IGF2BP3: variants seen among roughly 807,000 people sequenced by gnomAD.
IGF2BP3 encodes insulin-like growth factor 2 mRNA-binding protein 3.
IGF2BP3 carries 9 observed loss-of-function variants against 73.8 expected under a neutral mutation model. The ratio of observed to expected loss-of-function variants is 0.12; its 90% CI spans 0.07 to 0.21. The LOEUF is 0.21. IGF2BP3 is among the 10% of genes least tolerant of loss of function. IGF2BP3 has a pLI of 1.00. For missense variants in IGF2BP3, 542 were observed against 714.0 expected, an observed-to-expected ratio of 0.76 and a Z score of 2.75; for synonymous variants, 258 against 256.7, an observed-to-expected ratio of 1.01 and a Z score of -0.05.
At chr7:23,431,842 TTC>T (rs377418639) in intron 2 of IGF2BP3, among the ~76,000 whole-genome samples, 11 of 148,928 alleles carry the variant, frequency 7.4e-5, no homozygotes, top group South Asian at 2.2e-4. Flanking sequence ...CACACACACA[TTC>T]TCTCTCTCTC....
At chr7:23,444,553 C>T (rs960507181) in intron 2 of IGF2BP3, among the ~76,000 whole-genome samples, 9 of 151,790 alleles carry the variant, frequency 5.9e-5, no homozygotes, top group Admixed American at 2.6e-4. Flanking sequence ...CCATCCTGGC[C>T]ATCATGGTGA....
intron 1 of IGF2BP3, 109 bp from the exon 2 acceptor site, chr7:23,468,651 G>A (rs919613165): frequency 1.8e-6 from 2 of 1,089,222 alleles, no homozygotes; most frequent in African/African-American, 3.1e-5. Flanking sequence ...GGCCCTCGAA[G>A]GGCCCCCGAG....
intron 3 of IGF2BP3, among the ~76,000 whole-genome samples, chr7:23,406,978 T>C (rs1562732940): frequency 6.6e-6 from 1 of 152,064 alleles, no homozygotes; most frequent in South Asian, 2.1e-4. Flanking sequence ...GAGAAGCTCA[T>C]TCAGCTTCAA....
intron 3 of IGF2BP3, among the ~76,000 whole-genome samples, chr7:23,417,778 A>C (rs1787234332): frequency 1.3e-5 from 2 of 152,254 alleles, no homozygotes; most frequent in African/African-American, 2.4e-5. Context: ...AATCTAAAAC[A>C]GGAACATGTA....
chr7:23,336,840 C>T (rs1784585965), intron 10 of IGF2BP3, among the ~76,000 whole-genome samples: 1 of 151,886 alleles, frequency 6.6e-6, no homozygotes, highest in South Asian at 2.1e-4. Context: ...CCCAGCTACT[C>T]GGGAGGCTGA....
intron 3 of IGF2BP3, among the ~76,000 whole-genome samples, chr7:23,383,879 G>A (rs999970687): frequency 1.3e-5 from 2 of 151,952 alleles, no homozygotes; most frequent in African/African-American, 4.8e-5. Flanking sequence ...GGCAGATCAT[G>A]AGGTCAGGAG....
At chr7:23,380,155 CTCTTT>C (rs537819381) in intron 3 of IGF2BP3, among the ~76,000 whole-genome samples, 21 of 133,650 alleles carry the variant, frequency 1.6e-4, no homozygotes, top group Non-Finnish European at 2.4e-4. Context: ...CCCACTATGC[CTCTTT>C]TTTTTTTTTT....
intron 3 of IGF2BP3, among the ~76,000 whole-genome samples, chr7:23,388,525 T>C (rs888087168): frequency 2.0e-5 from 3 of 151,570 alleles, no homozygotes; most frequent in Non-Finnish European, 4.4e-5. Context: ...AAGGCTTCTA[T>C]GGGAAAATAA....
chr7:23,435,671 T>C (rs1057026328), intron 2 of IGF2BP3, among the ~76,000 whole-genome samples: 4 of 152,148 alleles, frequency 2.6e-5, no homozygotes, highest in Admixed American at 6.5e-5. Flanking sequence ...TTGGCCAGGA[T>C]GGTCTCGATC....
chr7:23,369,006 G>C (rs961766904), intron 3 of IGF2BP3, among the ~76,000 whole-genome samples: 1 of 151,942 alleles, frequency 6.6e-6, no homozygotes, highest in East Asian at 1.9e-4. Flanking sequence ...AATACTAAAA[G>C]CAACTTTACC....
chr7:23,449,927 G>A (rs1224028161), intron 2 of IGF2BP3, among the ~76,000 whole-genome samples: 1 of 152,066 alleles, frequency 6.6e-6, no homozygotes, highest in Non-Finnish European at 1.5e-5. Context: ...ATGGTATAAG[G>A]AATCCCTGAC....
intron 10 of IGF2BP3, among the ~76,000 whole-genome samples, chr7:23,325,821 A>G (rs1784279307): frequency 6.6e-6 from 1 of 152,228 alleles, no homozygotes; most frequent in African/African-American, 2.4e-5. Context: ...AAAACAAGCA[A>G]TGGGGAAAGG....
intron 2 of IGF2BP3, among the ~76,000 whole-genome samples, chr7:23,456,780 T>C (rs181456966): frequency 5.7e-4 from 87 of 152,354 alleles, no homozygotes; most frequent in African/African-American, 1.9e-3. Context: ...CCAGGCGCAG[T>C]GGCTCACGCC....
chr7:23,391,368 G>A (rs1210566809), intron 3 of IGF2BP3, among the ~76,000 whole-genome samples: 2 of 152,146 alleles, frequency 1.3e-5, no homozygotes, highest in Admixed American at 6.6e-5. Context: ...CCAAAGTGCT[G>A]GGATTACAGG....
At chr7:23,315,811 CTAAAG>C (rs1387227771) in intron 12 of IGF2BP3, among the ~76,000 whole-genome samples, 4 of 152,240 alleles carry the variant, frequency 2.6e-5, no homozygotes, top group Admixed American at 6.5e-5. Flanking sequence ...CCTTAGATCT[CTAAAG>C]TAAAACATTC....
At chr7:23,369,843 G>C (rs992898613) in intron 3 of IGF2BP3, among the ~76,000 whole-genome samples, 1 of 152,050 alleles carries the variant, frequency 6.6e-6, no homozygotes, top group Non-Finnish European at 1.5e-5. Flanking sequence ...CACTATGGGC[G>C]TGAGGTAGAT....
In IGF2BP3 at chr7:23,342,079, G is replaced by C. The variant is rs142940847; in HGVS notation, c.1188C>G (p.Pro396=). Residue 396 remains proline (P), a synonymous_variant, in exon 10 of 15, where the codon CCC becomes CCG. Transcript: ENST00000258729. ...TSGPPSAMTP[P]YPQFEQSETE... ...GTTATCTTACCTCAAACTGCGGGTA[G>C]GGAGGAGTCATGGCTGAAGGGGGCC... is the stretch of plus-strand genomic sequence containing the variant. The C allele has an allele frequency of 1.3e-6, 2 of 1,586,366 alleles. No individual in the cohort carries two copies. The highest frequency in any genetic ancestry group is 8.5e-7 in the Non-Finnish European group (1 of 1,171,278).
intron 2 of IGF2BP3, among the ~76,000 whole-genome samples, chr7:23,452,824 G>A (rs1318453959): frequency 2.0e-5 from 3 of 149,632 alleles, no homozygotes; most frequent in African/African-American, 7.4e-5. Context: ...AAAGTGGGGG[G>A]CGCACAGGGC....
chr7:23,392,917 C>G (rs1450887575), intron 3 of IGF2BP3, among the ~76,000 whole-genome samples: 1 of 152,152 alleles, frequency 6.6e-6, no homozygotes, highest in Non-Finnish European at 1.5e-5. Flanking sequence ...AGGCATGAGC[C>G]ACTGTGCCAA....
Sources: allele counts gnomAD v4.1 joint callset (sites outside exome capture counted in the v4.1 genomes callset), GRCh38; gene constraint gnomAD v4.1.1; transcripts MANE v1.5; gene names NCBI Gene and HGNC (gene_info 2026-07-23, HGNC 2026-07-21).